Variants in PTPRD observed in about 807,000 individuals in gnomAD.
PTPRD encodes the protein receptor-type tyrosine-protein phosphatase delta.
In PTPRD, 34 loss-of-function variants were observed where a neutral mutation model predicts 214.5. The ratio of observed to expected loss-of-function variants is 0.16; its 90% CI spans 0.12 to 0.21. The LOEUF (loss-of-function observed/expected upper bound fraction) is 0.21. PTPRD is among the 10% of genes least tolerant of loss of function. The probability of loss-of-function intolerance (pLI) is 1.00; values close to 1 mark genes in which losing one functional copy is unlikely to be tolerated. For missense variants in PTPRD, 2,545 were observed against 2,398.7 expected (o/e 1.06, Z -1.27); for synonymous variants, 1,128 against 845.7 (o/e 1.33, Z -5.79).
At chr9:9,968,162 T>C (rs2094837849) in intron 4 of PTPRD, among the ~76,000 whole-genome samples, 1 of 152,206 alleles carries the variant, frequency 6.6e-6, no homozygotes, top group African/African-American at 2.4e-5. Context: ...TATTCTTCAA[T>C]GAAACCATGA....
At chr9:8,815,526 C>A (rs1169967019) in intron 11 of PTPRD, among the ~76,000 whole-genome samples, 1 of 152,148 alleles carries the variant, frequency 6.6e-6, no homozygotes, top group Non-Finnish European at 1.5e-5. Context: ...AACATTTACT[C>A]ATCAAAATAA....
chr9:9,264,910 AAAC>A (rs1938468043), intron 9 of PTPRD, among the ~76,000 whole-genome samples: 1 of 151,212 alleles, frequency 6.6e-6, no homozygotes, highest in African/African-American at 2.4e-5. Context: ...AAAAAAAAAA[AAAC>A]CCTACCAACC....
At chr9:8,981,037 G>A (rs910069883) in intron 11 of PTPRD, among the ~76,000 whole-genome samples, 1 of 152,060 alleles carries the variant, frequency 6.6e-6, no homozygotes, top group Non-Finnish European at 1.5e-5. Context: ...TGAGCAGCAT[G>A]CTGAATTACT....
At chr9:8,432,934 A>G (rs191974380) in intron 35 of PTPRD, among the ~76,000 whole-genome samples, 4 of 152,352 alleles carry the variant, frequency 2.6e-5, no homozygotes, top group African/African-American at 9.6e-5. Flanking sequence ...CATGCAGTTC[A>G]TAACTATTTT....
intron 42 of PTPRD, 22 bp downstream of exon 42, chr9:8,340,321 C>A: frequency 6.4e-7 from 1 of 1,573,670 alleles, no homozygotes; most frequent in Non-Finnish European, 8.7e-7. Context: ...TATGAGGAGA[C>A]ACACAAGGGC....
At chr9:9,425,668 T>C (rs1440604403) in intron 8 of PTPRD, among the ~76,000 whole-genome samples, 1 of 151,740 alleles carries the variant, frequency 6.6e-6, no homozygotes, top group Admixed American at 6.6e-5. Context: ...CTAAATTTTA[T>C]ACTTGAAATT....
At chr9:10,003,156 G>A (rs987953729) in intron 4 of PTPRD, among the ~76,000 whole-genome samples, 16 of 151,740 alleles carry the variant, frequency 1.1e-4, no homozygotes, top group Non-Finnish European at 2.2e-4. Flanking sequence ...ATGAGTTCCA[G>A]GCAGAAGGAA....
chr9:8,915,473 A>G (rs1028139134), intron 11 of PTPRD, among the ~76,000 whole-genome samples: 1 of 152,102 alleles, frequency 6.6e-6, no homozygotes, highest in Non-Finnish European at 1.5e-5. Context: ...AGATCGGAAC[A>G]ATGTGATATG....
intron 11 of PTPRD, among the ~76,000 whole-genome samples, chr9:8,821,092 G>GC (rs1436810952): frequency 6.6e-6 from 1 of 152,280 alleles, no homozygotes; most frequent in African/African-American, 2.4e-5. Flanking sequence ...GGTATGATCA[G>GC]CCCCTTCTTC....
intron 10 of PTPRD, among the ~76,000 whole-genome samples, chr9:9,124,413 T>C (rs1482122127): frequency 6.6e-6 from 1 of 152,150 alleles, no homozygotes; most frequent in Non-Finnish European, 1.5e-5. Context: ...AATACCACCA[T>C]ATAATCAATA....
chr9:8,816,159 T>G (rs138609350), intron 11 of PTPRD, among the ~76,000 whole-genome samples: 1 of 152,204 alleles, frequency 6.6e-6, no homozygotes, highest in Non-Finnish European at 1.5e-5. Flanking sequence ...GGACAAATTA[T>G]TGATAAATTG....
intron 2 of PTPRD, among the ~76,000 whole-genome samples, chr9:10,520,029 C>T (rs1427398542): frequency 6.6e-6 from 1 of 151,974 alleles, no homozygotes; most frequent in Non-Finnish European, 1.5e-5. Flanking sequence ...TCAACAATGG[C>T]CTCTAAGTAT....
At chr9:9,825,394 G>C (rs1033398828) in intron 5 of PTPRD, among the ~76,000 whole-genome samples, 15 of 143,346 alleles carry the variant, frequency 1.0e-4, no homozygotes, top group African/African-American at 4.1e-4. Context: ...GAGAGAGAGA[G>C]ACAGAGAGAG....
chr9:10,392,116 T>C (rs1321374594), intron 2 of PTPRD, among the ~76,000 whole-genome samples: 1 of 151,948 alleles, frequency 6.6e-6, no homozygotes, highest in Non-Finnish European at 1.5e-5. Context: ...TGTTTGTCTC[T>C]TCTTCTGTAA....
chr9:9,863,551 A>C (rs774247695), intron 5 of PTPRD, among the ~76,000 whole-genome samples: 5 of 152,164 alleles, frequency 3.3e-5, no homozygotes, highest in African/African-American at 9.7e-5. Flanking sequence ...ATCTAAGCTA[A>C]TCAAGATTAT....
intron 5 of PTPRD, among the ~76,000 whole-genome samples, chr9:9,794,156 CAT>C (rs33922427): frequency 0.54 from 79,905 of 146,616 alleles, 22,292 homozygotes; most frequent in Middle Eastern, 0.67. Flanking sequence ...TATATATGTA[CAT>C]GTATATATAT....
intron 5 of PTPRD, among the ~76,000 whole-genome samples, chr9:9,786,832 T>A (rs1236872311): frequency 1.3e-5 from 2 of 152,184 alleles, no homozygotes; most frequent in East Asian, 3.9e-4. Flanking sequence ...ATACTAATTT[T>A]TATTAACTTC....
intron 8 of PTPRD, among the ~76,000 whole-genome samples, chr9:9,422,454 A>T (rs2079162742): frequency 6.6e-6 from 1 of 152,146 alleles, no homozygotes; most frequent in Non-Finnish European, 1.5e-5. Context: ...ATACACACAG[A>T]CAAAGAAGCA....
chr9:9,518,702 A>T (rs907235128), intron 8 of PTPRD, among the ~76,000 whole-genome samples: 27 of 152,058 alleles, frequency 1.8e-4, no homozygotes, highest in Admixed American at 6.6e-5. Flanking sequence ...GAATTGTGTG[A>T]AAGAGTTTTA....
Sources: allele counts gnomAD v4.1 joint callset (sites outside exome capture counted in the v4.1 genomes callset), GRCh38; gene constraint gnomAD v4.1.1; transcripts MANE v1.5; gene names NCBI Gene and HGNC (gene_info 2026-07-23, HGNC 2026-07-21).